AUTS2: variants seen among roughly 807,000 people sequenced by gnomAD.
AUTS2 encodes activator of transcription and developmental regulator AUTS2.
Under a neutral mutation model 112.4 loss-of-function variants are expected in AUTS2, and 17 were observed. The observed-to-expected ratio is 0.15, with a 90% CI of 0.10 to 0.23. AUTS2 has a LOEUF of 0.23. AUTS2 is among the 10% of genes least tolerant of loss of function. AUTS2 has a pLI of 1.00. For missense variants in AUTS2, 1,510 were observed against 1,701.6 expected, an observed-to-expected ratio of 0.89 and a Z score of 1.98; for synonymous variants, 751 against 702.7, an observed-to-expected ratio of 1.07 and a Z score of -1.09.
At chr7:70,174,740 C>A (rs1808894015) in intron 4 of AUTS2, among the ~76,000 whole-genome samples, 1 of 152,160 alleles carries the variant, frequency 6.6e-6, no homozygotes, top group African/African-American at 2.4e-5. Flanking sequence ...GACAGCACAT[C>A]TGTTTACGAC....
chr7:70,231,045 G>A (rs1005111343), intron 4 of AUTS2, among the ~76,000 whole-genome samples: 6 of 152,336 alleles, frequency 3.9e-5, no homozygotes, highest in South Asian at 4.1e-4. Flanking sequence ...GGTTCGGTGA[G>A]TTTTCTTGAA....
At chr7:70,093,740 C>G (rs1804040627) in intron 2 of AUTS2, among the ~76,000 whole-genome samples, 1 of 152,204 alleles carries the variant, frequency 6.6e-6, no homozygotes, top group Non-Finnish European at 1.5e-5. Context: ...ATGACCCTTG[C>G]TAACACAGAG....
chr7:70,150,147 GTTTAA>G (rs900988092), intron 4 of AUTS2, among the ~76,000 whole-genome samples: 3 of 152,034 alleles, frequency 2.0e-5, no homozygotes, highest in East Asian at 1.9e-4. Flanking sequence ...AGAATTTATT[GTTTAA>G]TTTAGTACAT....
intron 5 of AUTS2, among the ~76,000 whole-genome samples, chr7:70,678,155 C>T (rs1400633112): frequency 6.6e-6 from 1 of 152,120 alleles, no homozygotes; most frequent in African/African-American, 2.4e-5. Context: ...TGTCCTCTCT[C>T]CCTCCTAAAT....
intron 4 of AUTS2, among the ~76,000 whole-genome samples, chr7:70,419,049 G>A (rs1795106993): frequency 6.6e-6 from 1 of 152,154 alleles, no homozygotes; most frequent in Non-Finnish European, 1.5e-5. Flanking sequence ...AATTGAACCT[G>A]TGGGAGGGTA....
chr7:69,702,987 C>CTATTA (rs1797886561), intron 1 of AUTS2, among the ~76,000 whole-genome samples: 1 of 152,144 alleles, frequency 6.6e-6, no homozygotes, highest in South Asian at 2.1e-4. Flanking sequence ...TTACAAGTAA[C>CTATTA]TATTAGGTTG....
chr7:69,844,847 C>G (rs1792126296), intron 1 of AUTS2, among the ~76,000 whole-genome samples: 1 of 152,170 alleles, frequency 6.6e-6, no homozygotes, highest in African/African-American at 2.4e-5. Context: ...TACATACTAC[C>G]TAACAGTGTG....
intron 5 of AUTS2, among the ~76,000 whole-genome samples, chr7:70,570,037 A>G (rs989879562): frequency 2.0e-5 from 3 of 152,150 alleles, no homozygotes; most frequent in Admixed American, 1.3e-4. Flanking sequence ...TCATTTAGGA[A>G]CCTCGGATAG....
intron 1 of AUTS2, among the ~76,000 whole-genome samples, chr7:69,778,347 TGTG>T (rs1486310386): frequency 1.2e-4 from 18 of 151,512 alleles, no homozygotes; most frequent in African/African-American, 4.4e-4. Flanking sequence ...GAACTACTGG[TGTG>T]GTGCAGTTAT....
intron 4 of AUTS2, among the ~76,000 whole-genome samples, chr7:70,155,990 G>GT (rs1425740399): frequency 3.3e-5 from 5 of 152,014 alleles, no homozygotes; most frequent in Admixed American, 2.0e-4. Context: ...GTTTTGTTTT[G>GT]TTTTTTTCTC....
intron 6 of AUTS2, among the ~76,000 whole-genome samples, chr7:70,721,286 G>GTGTC (rs1443505991): frequency 1.6e-4 from 23 of 147,182 alleles, no homozygotes; most frequent in African/African-American, 5.4e-4. Flanking sequence ...ATTCGTGTGT[G>GTGTC]TGTGTGTGTG....
chr7:70,621,372 T>C (rs570994016), intron 5 of AUTS2, among the ~76,000 whole-genome samples: 2 of 152,330 alleles, frequency 1.3e-5, no homozygotes, highest in Non-Finnish European at 1.5e-5. Context: ...CGCTGCAAAA[T>C]GATTACAACA....
intron 4 of AUTS2, among the ~76,000 whole-genome samples, chr7:70,224,085 C>T (rs532639943): frequency 1.3e-5 from 2 of 152,046 alleles, no homozygotes; most frequent in Admixed American, 1.3e-4. Context: ...GAGGCTGAGG[C>T]AGGTGGATCA....
Position 70,651,053 on chromosome 7 carries a change from A to G in AUTS2, c.691-47516A>G, listed in dbSNP as rs546656248. On this transcript the variant is annotated intron_variant, in intron 5 of 18. Coordinates refer to ENST00000342771, the MANE Select transcript of AUTS2 (RefSeq NM_015570.4). ...ACATTACAGTTATGAGCACTTGCTGATATGAGTAATGATCAACTACAGTTA... is the reference window on the plus strand; with the variant it reads ...ACATTACAGTTATGAGCACTTGCTGGTATGAGTAATGATCAACTACAGTTA... Among the ~76,000 whole-genome samples the G allele has an allele frequency of 2.9e-4, 44 of 152,340 alleles. No individual in the cohort carries two copies. In the South Asian group the frequency reaches 8.3e-3, roughly 29 times the overall value.
intron 1 of AUTS2, among the ~76,000 whole-genome samples, chr7:69,745,507 G>A (rs188042409): frequency 1.3e-5 from 2 of 152,232 alleles, no homozygotes; most frequent in Non-Finnish European, 2.9e-5. Context: ...GCTTGCTTTC[G>A]TTGAAGTGTA....
chr7:70,294,855 G>A (rs1360949177), intron 4 of AUTS2, among the ~76,000 whole-genome samples: 1 of 151,210 alleles, frequency 6.6e-6, no homozygotes, highest in African/African-American at 2.4e-5. Flanking sequence ...GAGTCGTTTT[G>A]TTTGTTCCAC....
At chr7:69,608,311 G>A (rs1212706916) in intron 1 of AUTS2, among the ~76,000 whole-genome samples, 10 of 152,204 alleles carry the variant, frequency 6.6e-5, no homozygotes, top group Admixed American at 6.5e-4. Flanking sequence ...GACAAGTTGT[G>A]ATGACGCCTG....
intron 1 of AUTS2, among the ~76,000 whole-genome samples, chr7:69,615,283 G>A (rs1409978711): frequency 6.6e-6 from 1 of 152,108 alleles, no homozygotes; most frequent in Non-Finnish European, 1.5e-5. Flanking sequence ...TCTATTTTCT[G>A]ATTACAGGTG....
intron 5 of AUTS2, among the ~76,000 whole-genome samples, chr7:70,451,104 G>A (rs1006152046): frequency 1.3e-5 from 2 of 152,168 alleles, no homozygotes; most frequent in Non-Finnish European, 2.9e-5. Context: ...TGGAGCTATA[G>A]GGGAATGAGT....
Sources: gnomAD v4.1 joint callset for allele counts (sites outside exome capture counted in the v4.1 genomes callset) on GRCh38, gnomAD v4.1.1 for gene constraint, MANE v1.5 for transcripts, NCBI Gene and HGNC (gene_info 2026-07-23, HGNC 2026-07-21) for gene names.